Variants in ZBTB20 observed in about 807,000 individuals in gnomAD.
ZBTB20 encodes zinc finger and BTB domain containing 20, also known as zinc finger and BTB domain-containing protein 20.
Under a neutral mutation model 56.9 loss-of-function variants are expected in ZBTB20, and 9 were observed. The ratio of observed to expected loss-of-function variants is 0.16; its 90% CI spans 0.10 to 0.28. ZBTB20 has a LOEUF of 0.28. Ranked by LOEUF, ZBTB20 falls within the 10% of genes least tolerant of loss-of-function variation. ZBTB20 has a pLI of 1.00. For missense variants in ZBTB20, 655 were observed against 1,003.0 expected (o/e 0.65, Z 4.69); for synonymous variants, 417 against 420.7 (o/e 0.99, Z 0.11).
intron 4 of ZBTB20, among the ~76,000 whole-genome samples, chr3:114,838,461 A>G (rs986314033): frequency 2.0e-5 from 3 of 152,188 alleles, no homozygotes; most frequent in African/African-American, 7.2e-5. Flanking sequence ...AATGGACATA[A>G]TGATGCATTT....
chr3:114,419,212 A>G (rs1361272075), intron 7 of ZBTB20: 1 of 152,146 alleles, frequency 6.6e-6, no homozygotes, highest in Non-Finnish European at 1.5e-5. Context: ...AAATACACGG[A>G]GTTCACTTTC....
intron 6 of ZBTB20, among the ~76,000 whole-genome samples, chr3:114,671,176 G>A (rs1428677197): frequency 1.3e-5 from 2 of 151,796 alleles, no homozygotes; most frequent in Non-Finnish European, 2.9e-5. Flanking sequence ...TTTAAAGTAG[G>A]GTATTATCTG....
At chr3:114,930,344 A>T (rs2076308514) in intron 3 of ZBTB20, among the ~76,000 whole-genome samples, 1 of 152,176 alleles carries the variant, frequency 6.6e-6, no homozygotes, top group Non-Finnish European at 1.5e-5. Flanking sequence ...GAAAAAAGGG[A>T]AATAATATTC....
chr3:114,780,827 C>T (rs146896196), intron 5 of ZBTB20, among the ~76,000 whole-genome samples: 17 of 152,126 alleles, frequency 1.1e-4, no homozygotes, highest in African/African-American at 4.1e-4. Flanking sequence ...ATTATAAACA[C>T]GTAAACAATT....
chr3:115,115,365 G>C (rs893129870), intron 1 of ZBTB20, among the ~76,000 whole-genome samples: 1 of 151,958 alleles, frequency 6.6e-6, no homozygotes, highest in Non-Finnish European at 1.5e-5. Flanking sequence ...TTTACTGTAG[G>C]GCAGTATTTT....
At chr3:114,539,088 CCTT>C (rs1426508814) in intron 6 of ZBTB20, among the ~76,000 whole-genome samples, 1 of 152,116 alleles carries the variant, frequency 6.6e-6, no homozygotes, top group Non-Finnish European at 1.5e-5. Flanking sequence ...GCACAATCCT[CCTT>C]CTTTTTCATC....
At chr3:114,418,608 G>A (rs1025732723) in intron 7 of ZBTB20, among the ~76,000 whole-genome samples, 1 of 151,466 alleles carries the variant, frequency 6.6e-6, no homozygotes, top group Non-Finnish European at 1.5e-5. Flanking sequence ...ATCAAGCAGT[G>A]AGAACAGTTG....
chr3:115,142,371 A>C (rs2084836630), intron 1 of ZBTB20, among the ~76,000 whole-genome samples: 1 of 152,182 alleles, frequency 6.6e-6, no homozygotes, highest in East Asian at 1.9e-4. Flanking sequence ...TTTAAAAAAA[A>C]TTCAACTGAG....
At chr3:114,627,146 A>C (rs998464936) in intron 6 of ZBTB20, among the ~76,000 whole-genome samples, 10 of 152,124 alleles carry the variant, frequency 6.6e-5, no homozygotes, top group Non-Finnish European at 1.3e-4. Flanking sequence ...CTTGTATATA[A>C]TCACTTTTCA....
chr3:114,395,772 G>A (rs1455839801), intron 7 of ZBTB20, among the ~76,000 whole-genome samples: 1 of 152,156 alleles, frequency 6.6e-6, no homozygotes, highest in East Asian at 1.9e-4. Context: ...ACCTCTGATG[G>A]CTTGAAGACC....
chr3:115,069,203 A>G (rs1359914045), intron 2 of ZBTB20, among the ~76,000 whole-genome samples: 1 of 152,190 alleles, frequency 6.6e-6, no homozygotes, highest in East Asian at 1.9e-4. Flanking sequence ...TAGGAATGGA[A>G]GGCATACAGT....
chr3:115,029,116 G>C (rs2108336577), intron 2 of ZBTB20, among the ~76,000 whole-genome samples: 1 of 149,674 alleles, frequency 6.7e-6, no homozygotes, highest in South Asian at 2.1e-4. Flanking sequence ...AAATGCAAAG[G>C]AAAGAACAAT....
chr3:114,840,489 C>G (rs1437123445), intron 4 of ZBTB20, among the ~76,000 whole-genome samples: 2 of 152,170 alleles, frequency 1.3e-5, no homozygotes, highest in Non-Finnish European at 2.9e-5. Flanking sequence ...CATATTCAGT[C>G]TGTTCTTTTA....
At chr3:114,769,572 T>TGC (rs2069041079) in intron 5 of ZBTB20, among the ~76,000 whole-genome samples, 3 of 137,232 alleles carry the variant, frequency 2.2e-5, no homozygotes, top group African/African-American at 8.2e-5. Context: ...TATATATATA[T>TGC]ATATATATAT....
intron 5 of ZBTB20, among the ~76,000 whole-genome samples, chr3:114,740,331 G>A (rs1468182869): frequency 1.3e-5 from 2 of 152,170 alleles, no homozygotes; most frequent in Non-Finnish European, 2.9e-5. Flanking sequence ...TAGGTATGAT[G>A]CTAATGAATG....
intron 6 of ZBTB20, among the ~76,000 whole-genome samples, chr3:114,552,429 T>G (rs1003608494): frequency 9.0e-5 from 12 of 132,862 alleles, no homozygotes; most frequent in African/African-American, 4.2e-4. Context: ...ACTCTTCCTG[T>G]TTTTTTTTTT....
chr3:114,673,462 C>T (rs1560110649), intron 6 of ZBTB20, among the ~76,000 whole-genome samples: 1 of 152,076 alleles, frequency 6.6e-6, no homozygotes, highest in Admixed American at 6.6e-5. Flanking sequence ...TTTAACTGAT[C>T]AGTGAATTAG....
chr3:114,458,415 A>G (rs1201115604), intron 7 of ZBTB20, among the ~76,000 whole-genome samples: 2 of 152,200 alleles, frequency 1.3e-5, no homozygotes, highest in Non-Finnish European at 2.9e-5. Context: ...CAAAAGAATT[A>G]AAGTCATTGT....
intron 5 of ZBTB20, among the ~76,000 whole-genome samples, chr3:114,732,650 A>T (rs1339522838): frequency 6.6e-6 from 1 of 152,152 alleles, no homozygotes; most frequent in East Asian, 1.9e-4. Context: ...TCAGTCTTTA[A>T]CTGAGAAAGG....
Sources: gnomAD v4.1 joint callset for allele counts (sites outside exome capture counted in the v4.1 genomes callset) on GRCh38, gnomAD v4.1.1 for gene constraint, MANE v1.5 for transcripts, NCBI Gene and HGNC (gene_info 2026-07-23, HGNC 2026-07-21) for gene names.